OR4Q3: variants seen among roughly 807,000 people sequenced by gnomAD.
OR4Q3 encodes the protein olfactory receptor 4Q3.
A neutral mutation model predicts 18.8 loss-of-function variants in OR4Q3; 17 were observed. That is an observed-to-expected ratio of 0.91 (90% CI 0.62 to 1.36). OR4Q3 has a LOEUF of 1.36. Among genes scored for constraint, OR4Q3 ranks in the 40% most tolerant of loss-of-function variants. The pLI is 0.00. For synonymous variants in OR4Q3, 158 were observed against 145.8 expected (o/e 1.08, Z -0.60); for missense variants, 378 against 373.4 (o/e 1.01, Z -0.10).
At chr14:19,751,289 G>A, downstream of OR4Q3, among the ~76,000 whole-genome samples, 1 of 152,190 alleles carries the variant, frequency 6.6e-6, no homozygotes, top group Non-Finnish European at 1.5e-5. Flanking sequence ...TGCTAGTATT[G>A]TGTTGAGGAT....
chr14:19,747,271 T>A, intron 1 of OR4Q3, 135 bp from the exon 2 acceptor site: 2 of 423,862 alleles, frequency 4.7e-6, no homozygotes, highest in Non-Finnish European at 8.0e-6. Flanking sequence ...AATATAAGAG[T>A]GTACTGCCTA....
chr14:19,743,808 A>T (rs1353017471), intron 1 of OR4Q3, 137 bp downstream of exon 1: 2 of 152,108 alleles, frequency 1.3e-5, no homozygotes, highest in African/African-American at 4.8e-5. Context: ...AATTTAAGAG[A>T]TCATTTGAGT....
downstream of OR4Q3, among the ~76,000 whole-genome samples, chr14:19,750,415 T>C: frequency 6.6e-6 from 1 of 152,266 alleles, no homozygotes; most frequent in African/African-American, 2.4e-5. Flanking sequence ...TTTATGGCTA[T>C]GAAAATGTGT....
exon 2 of OR4Q3, chr14:19,748,211 C>T: frequency 2.5e-6 from 4 of 1,614,028 alleles, no homozygotes; most frequent in African/African-American, 1.3e-5. Flanking sequence ...CTATTTGAGG[C>T]CTTTCTGCAG....
intron 1 of OR4Q3, among the ~76,000 whole-genome samples, chr14:19,744,075 G>C (rs547402038): frequency 3.5e-4 from 54 of 152,224 alleles, no homozygotes; most frequent in African/African-American, 1.2e-3. Flanking sequence ...TCCTCTTTAT[G>C]TTCCACAGGT....
exon 2 of OR4Q3, chr14:19,748,961 G>T: frequency 6.5e-6 from 1 of 153,166 alleles, no homozygotes; most frequent in African/African-American, 2.4e-5. Context: ...TCTTAACAAA[G>T]TTTATGCGTG....
chr14:19,748,291 C>T, exon 2 of OR4Q3: 1 of 1,613,852 alleles, frequency 6.2e-7, no homozygotes, highest in Non-Finnish European at 8.5e-7. Flanking sequence ...CCCTCATCTA[C>T]ACACTCAGAA....
intron 1 of OR4Q3, 58 bp from the exon 2 acceptor site, chr14:19,747,348 A>C: frequency 7.9e-6 from 7 of 888,692 alleles, no homozygotes; most frequent in Non-Finnish European, 1.2e-5. Context: ...ATATGTATAT[A>C]GTGTACACAT....
At chr14:19,749,510 A>C, downstream of OR4Q3, 6 of 150,682 alleles carry the variant, frequency 4.0e-5, no homozygotes, top group Non-Finnish European at 8.8e-5. Flanking sequence ...GAGGCAGGAG[A>C]ATCACTTGAA....
chr14:19,751,600 C>T, downstream of OR4Q3, among the ~76,000 whole-genome samples: 1 of 151,808 alleles, frequency 6.6e-6, no homozygotes, highest in Admixed American at 6.6e-5. Flanking sequence ...ATTACAATCT[C>T]TTCCTAATTC....
At chr14:19,744,284 A>G (rs1421757101) in intron 1 of OR4Q3, among the ~76,000 whole-genome samples, 4 of 152,094 alleles carry the variant, frequency 2.6e-5, no homozygotes, top group Non-Finnish European at 4.4e-5. Flanking sequence ...CAGCTAGCCA[A>G]TCATTTTCTA....
At position 19,743,618 on chromosome 14, in the gene OR4Q3, G is replaced by A. The variant is rs375086392; in HGVS notation, c.-52G>A. 3 of 152,498 alleles carry A rather than the reference G, an allele frequency of 2.0e-5. No individual in the cohort carries two copies. Among genetic ancestry groups the A allele is most frequent in the East Asian group, 3.9e-4 (2 of 5,192 alleles). The allele number at this position is 152,498 out of a possible 1,614,324, so 9.4% of individuals were successfully genotyped here. ...TGAAGAGAGGGTTGATAGGATGAAT[G>A]GCAGGATAAAATCTTCCTTCCTTGA... On this transcript the variant is annotated 5_prime_UTR_variant, in exon 1 of 2. An upstream start codon of the reference 5' UTR is lost. Transcript: ENST00000642117.
exon 2 of OR4Q3, chr14:19,749,234 G>A: frequency 1.3e-5 from 2 of 152,332 alleles, no homozygotes; most frequent in South Asian, 2.1e-4. Context: ...TCTCAAACAT[G>A]CTTTGAGGAA....
intron 1 of OR4Q3, among the ~76,000 whole-genome samples, chr14:19,747,015 G>T: frequency 2.0e-5 from 3 of 152,176 alleles, no homozygotes; most frequent in Non-Finnish European, 4.4e-5. Flanking sequence ...AATTCAGAGA[G>T]GTTTATTTTC....
exon 2 of OR4Q3, chr14:19,747,765 T>C: frequency 6.2e-7 from 1 of 1,614,030 alleles, no homozygotes; most frequent in South Asian, 1.1e-5. Flanking sequence ...GCCAGTGAGA[T>C]GTTTTTGCTG....
At chr14:19,749,606 A>AAAG, downstream of OR4Q3, 1 of 58,200 alleles carries the variant, frequency 1.7e-5, no homozygotes, top group Non-Finnish European at 4.5e-5. Flanking sequence ...TCTCAAAGCA[A>AAAG]AAAAAAAAAA....
chr14:19,748,662 G>A, exon 2 of OR4Q3: 4 of 352,626 alleles, frequency 1.1e-5, no homozygotes, highest in South Asian at 6.7e-5. Flanking sequence ...ATGTCTCTAA[G>A]TACTGTTCAT....
intron 1 of OR4Q3, among the ~76,000 whole-genome samples, chr14:19,743,927 A>G (rs1310562451): frequency 6.6e-6 from 1 of 152,328 alleles, no homozygotes; most frequent in East Asian, 1.9e-4. Flanking sequence ...CAATATTTGG[A>G]TAAGATAGGC....
chr14:19,749,774 TTTTC>T, downstream of OR4Q3, among the ~76,000 whole-genome samples: 2 of 131,358 alleles, frequency 1.5e-5, no homozygotes, highest in Admixed American at 1.6e-4. Context: ...CTTTTTCTCT[TTTTC>T]TTTCTCTTTC....
Sources: gnomAD v4.1 joint callset for allele counts (sites outside exome capture counted in the v4.1 genomes callset) on GRCh38, gnomAD v4.1.1 for gene constraint, MANE v1.5 for transcripts, NCBI Gene and HGNC (gene_info 2026-07-23, HGNC 2026-07-21) for gene names.